DAP3: variants seen among roughly 807,000 people sequenced by gnomAD.
The protein encoded by DAP3 is small ribosomal subunit protein mS29.
Under a neutral mutation model 51.9 loss-of-function variants are expected in DAP3, and 28 were observed. The ratio of observed to expected loss-of-function variants is 0.54; its 90% confidence interval spans 0.40 to 0.74. The LOEUF (loss-of-function observed/expected upper bound fraction) is 0.74. Ranked by LOEUF, DAP3 falls within the 30% of genes least tolerant of loss-of-function variation. The pLI is 0.00. For missense variants in DAP3, 458 were observed against 483.5 expected (o/e 0.95, Z 0.49); for synonymous variants, 170 against 170.3 (o/e 1.00, Z 0.01).
chr1:155,694,710 G>A (rs532645540), intron 1 of DAP3, among the ~76,000 whole-genome samples: 4 of 152,252 alleles, frequency 2.6e-5, no homozygotes, highest in South Asian at 4.2e-4. Flanking sequence ...TGTCTTGTAG[G>A]TACCCAAACT....
intron 1 of DAP3, among the ~76,000 whole-genome samples, chr1:155,707,462 A>T (rs1656146559): frequency 6.6e-6 from 1 of 152,098 alleles, no homozygotes; most frequent in Non-Finnish European, 1.5e-5. Flanking sequence ...AATTACATAG[A>T]CATTTAATTC....
rs748014763 is a variant in DAP3, at chr1:155,691,989, T to G, written c.-8+2815T>G. 1.8e-4 allele frequency among the ~76,000 whole-genome samples: 25 copies of G among 141,690 alleles called. 1 individual carries two copies. Among genetic ancestry groups the G allele is most frequent in the South Asian group, 1.0e-3 (5 of 4,832 alleles). 93.0% of individuals were successfully genotyped at this position (141,690 alleles called of 152,430 possible). ...CCAGAGTTCTGATCTCCACACTGTTTATTGAGTACAGTCACTTAGATCTAA... is the reference window on the plus strand; with the variant it reads ...CCAGAGTTCTGATCTCCACACTGTTGATTGAGTACAGTCACTTAGATCTAA... On this transcript the variant is annotated intron_variant, in intron 1 of 12. Coordinates refer to ENST00000368336, the MANE Select transcript of DAP3 (RefSeq NM_004632.4).
At chr1:155,698,043 A>C (rs1356779310) in intron 1 of DAP3, among the ~76,000 whole-genome samples, 3 of 152,200 alleles carry the variant, frequency 2.0e-5, no homozygotes, top group Non-Finnish European at 4.4e-5. Flanking sequence ...AGGCAGTCAG[A>C]CTTTATGGTT....
intron 1 of DAP3, among the ~76,000 whole-genome samples, chr1:155,705,800 A>G (rs1031671250): frequency 6.6e-6 from 1 of 152,004 alleles, no homozygotes; most frequent in Non-Finnish European, 1.5e-5. Context: ...TCCTGGGTTC[A>G]AGCGATTCTC....
intron 2 of DAP3, among the ~76,000 whole-genome samples, chr1:155,716,009 A>G (rs1240950045): frequency 6.6e-6 from 1 of 152,210 alleles, no homozygotes; most frequent in African/African-American, 2.4e-5. Flanking sequence ...CTGATAACTG[A>G]GGTGACTGAC....
At chr1:155,726,093 ATTTTCTTTTC>A (rs1306158184) in intron 6 of DAP3, 74 bp downstream of exon 6, 6 of 1,161,770 alleles carry the variant, frequency 5.2e-6, no homozygotes, top group South Asian at 3.3e-5. Context: ...TGCAGCTTTA[ATTTTCTTTTC>A]TTTTCTTTTC....
At chr1:155,706,498 G>A (rs992561615) in intron 1 of DAP3, among the ~76,000 whole-genome samples, 3 of 152,334 alleles carry the variant, frequency 2.0e-5, no homozygotes, top group Admixed American at 2.0e-4. Flanking sequence ...GTGTCTGGGT[G>A]CGGTGGCTCA....
intron 1 of DAP3, among the ~76,000 whole-genome samples, chr1:155,705,153 G>A (rs1441656843): frequency 6.6e-6 from 1 of 151,742 alleles, no homozygotes; most frequent in East Asian, 1.9e-4. Flanking sequence ...AGGCACAGTG[G>A]CACGTGCCTG....
At chr1:155,702,079 C>G (rs1175277980) in intron 1 of DAP3, among the ~76,000 whole-genome samples, 1 of 139,378 alleles carries the variant, frequency 7.2e-6, no homozygotes, top group East Asian at 2.1e-4. Context: ...AGCCAAAAAA[C>G]TGATTCTGTA....
At chr1:155,727,280 A>G (rs550300213) in intron 6 of DAP3, among the ~76,000 whole-genome samples, 7 of 151,920 alleles carry the variant, frequency 4.6e-5, no homozygotes, top group Non-Finnish European at 1.0e-4. Flanking sequence ...TACACTTGGT[A>G]TGTTTTATAT....
chr1:155,723,517 T>C (rs1388680071), intron 4 of DAP3, among the ~76,000 whole-genome samples: 1 of 151,964 alleles, frequency 6.6e-6, no homozygotes, highest in African/African-American at 2.4e-5. Flanking sequence ...TTAGTAGACA[T>C]GGGGATTTGC....
intron 11 of DAP3, 148 bp downstream of exon 11, chr1:155,732,181 A>C: frequency 1.7e-6 from 1 of 578,296 alleles, no homozygotes; most frequent in Non-Finnish European, 2.9e-6. Context: ...CTAAAATATT[A>C]ACTTGATCAT....
At chr1:155,700,396 A>G (rs1427571062) in intron 1 of DAP3, among the ~76,000 whole-genome samples, 1 of 152,240 alleles carries the variant, frequency 6.6e-6, no homozygotes, top group Non-Finnish European at 1.5e-5. Context: ...ATAAAATTCA[A>G]TTCTCCATTT....
At chr1:155,702,839 G>A (rs1655482387) in intron 1 of DAP3, among the ~76,000 whole-genome samples, 1 of 152,040 alleles carries the variant, frequency 6.6e-6, no homozygotes, top group South Asian at 2.1e-4. Flanking sequence ...GCGTGGTGGT[G>A]GGCACCTGTA....
chr1:155,734,715 T>A (rs1659583162), intron 11 of DAP3, among the ~76,000 whole-genome samples: 1 of 151,478 alleles, frequency 6.6e-6, no homozygotes, highest in African/African-American at 2.5e-5. Flanking sequence ...TACATACATG[T>A]ATGTATGTAT....
At chr1:155,729,016 T>G (rs1163777105) in intron 7 of DAP3, 26 bp from the exon 8 acceptor site, 1 of 1,609,790 alleles carries the variant, frequency 6.2e-7, no homozygotes. Context: ...TTTTTTTTGG[T>G]TTTTATTTTC....
In DAP3 at chr1:155,738,921, A is replaced by G. The variant is rs999649808; in HGVS notation, c.*679A>G. ...TGGGAGGCGGATGTTGCAGTGAGCC[A>G]AAATTGCACCACTGCACTCCAGCCT... On this transcript the variant is annotated 3_prime_UTR_variant, in exon 13 of 13. Coordinates refer to ENST00000368336, the MANE Select transcript of DAP3 (RefSeq NM_004632.4). 10 of 151,914 alleles carry G rather than the reference A, an allele frequency of 6.6e-5. No individual in the cohort carries two copies. Among genetic ancestry groups the G allele is most frequent in the African/African-American group, 2.4e-4 (10 of 41,384 alleles). 9.4% of individuals were successfully genotyped at this position (151,914 alleles called of 1,614,324 possible).
chr1:155,705,230 G>A (rs777835852), intron 1 of DAP3, among the ~76,000 whole-genome samples: 8 of 152,196 alleles, frequency 5.3e-5, no homozygotes, highest in Non-Finnish European at 1.2e-4. Context: ...AGGCTGCAGT[G>A]AGCTGTGATT....
At chr1:155,693,357 A>G (rs1654105913) in intron 1 of DAP3, among the ~76,000 whole-genome samples, 1 of 141,814 alleles carries the variant, frequency 7.1e-6, no homozygotes, top group Non-Finnish European at 1.5e-5. Flanking sequence ...CCTCAAGGTA[A>G]TATTTTTCTT....
Sources: allele counts gnomAD v4.1 joint callset (sites outside exome capture counted in the v4.1 genomes callset), GRCh38; gene constraint gnomAD v4.1.1; transcripts MANE v1.5; gene names NCBI Gene and HGNC (gene_info 2026-07-23, HGNC 2026-07-21).